PTPRM: variants seen among roughly 807,000 people sequenced by gnomAD.
The protein encoded by PTPRM is receptor-type tyrosine-protein phosphatase mu.
A neutral mutation model predicts 186.7 loss-of-function variants in PTPRM; 47 were observed. The observed-to-expected ratio is 0.25, with a 90% CI of 0.20 to 0.32. The LOEUF is 0.32. PTPRM is among the 10% of genes least tolerant of loss of function. The pLI is 1.00. For missense variants in PTPRM, 1,494 were observed against 1,865.0 expected, an observed-to-expected ratio of 0.80 and a Z score of 3.66; for synonymous variants, 668 against 674.9, an observed-to-expected ratio of 0.99 and a Z score of 0.16.
intron 7 of PTPRM, among the ~76,000 whole-genome samples, chr18:8,050,541 C>T (rs1029923864): frequency 6.6e-6 from 1 of 151,452 alleles, no homozygotes; most frequent in African/African-American, 2.4e-5. Context: ...ACATGCATAC[C>T]TCATAGTACA....
At chr18:7,880,806 A>G (rs1271279888) in intron 2 of PTPRM, among the ~76,000 whole-genome samples, 1 of 152,184 alleles carries the variant, frequency 6.6e-6, no homozygotes, top group Non-Finnish European at 1.5e-5. Flanking sequence ...ACCTGGTATT[A>G]TGATAATCAG....
intron 1 of PTPRM, among the ~76,000 whole-genome samples, chr18:7,708,098 A>C (rs1176048926): frequency 6.6e-6 from 1 of 152,184 alleles, no homozygotes; most frequent in Non-Finnish European, 1.5e-5. Flanking sequence ...GAAAGCATTC[A>C]GTAAGGTTTT....
intron 7 of PTPRM, among the ~76,000 whole-genome samples, chr18:7,972,492 AAAG>A (rs1335675572): frequency 1.4e-5 from 2 of 141,210 alleles, no homozygotes; most frequent in African/African-American, 2.8e-5. Context: ...AAAAAAAAAA[AAAG>A]GAGAGAAACA....
chr18:8,121,442 A>T (rs1229876185), intron 13 of PTPRM, among the ~76,000 whole-genome samples: 5 of 151,750 alleles, frequency 3.3e-5, no homozygotes, highest in South Asian at 2.1e-4. Context: ...TTAATTTTCT[A>T]TTTTTTTTAA....
chr18:7,890,861 G>C (rs2049036188), intron 3 of PTPRM, among the ~76,000 whole-genome samples: 1 of 152,100 alleles, frequency 6.6e-6, no homozygotes, highest in Non-Finnish European at 1.5e-5. Flanking sequence ...AAAATTTAAT[G>C]ATACATTTAA....
chr18:7,715,374 T>A (rs1313005549), intron 1 of PTPRM, among the ~76,000 whole-genome samples: 2 of 152,198 alleles, frequency 1.3e-5, no homozygotes, highest in African/African-American at 4.8e-5. Flanking sequence ...ATAAGAGCTA[T>A]TTATAACAAA....
chr18:8,032,711 AAT>A (rs1297978840), intron 7 of PTPRM, among the ~76,000 whole-genome samples: 1 of 152,164 alleles, frequency 6.6e-6, no homozygotes, highest in Non-Finnish European at 1.5e-5. Flanking sequence ...CATATATTTA[AAT>A]ATGTTATAGC....
intron 14 of PTPRM, among the ~76,000 whole-genome samples, chr18:8,225,727 A>G (rs2094205706): frequency 6.6e-6 from 1 of 152,222 alleles, no homozygotes; most frequent in South Asian, 2.1e-4. Flanking sequence ...GAAATATAAG[A>G]GAATATCTTT....
At chr18:8,126,047 T>C (rs2092354692) in intron 13 of PTPRM, among the ~76,000 whole-genome samples, 1 of 113,638 alleles carries the variant, frequency 8.8e-6, no homozygotes, top group African/African-American at 3.2e-5. Flanking sequence ...AGTAGACCTT[T>C]CCATTGCAAA....
intron 13 of PTPRM, among the ~76,000 whole-genome samples, chr18:8,122,876 T>C (rs2092224687): frequency 6.6e-6 from 1 of 152,204 alleles, no homozygotes; most frequent in African/African-American, 2.4e-5. Flanking sequence ...GCATTCCTTA[T>C]AGATCCTTGT....
intron 9 of PTPRM, among the ~76,000 whole-genome samples, chr18:8,083,490 C>G (rs1371800558): frequency 6.6e-6 from 1 of 152,176 alleles, no homozygotes; most frequent in East Asian, 1.9e-4. Context: ...GTGGGCCCTT[C>G]CCCAGCCACT....
intron 9 of PTPRM, among the ~76,000 whole-genome samples, chr18:8,084,623 A>G (rs2090334568): frequency 6.6e-6 from 1 of 152,232 alleles, no homozygotes; most frequent in Non-Finnish European, 1.5e-5. Context: ...ATCACTTCGT[A>G]TAATAACAGT....
chr18:8,134,553 A>G (rs1243396022), intron 13 of PTPRM, among the ~76,000 whole-genome samples: 3 of 152,138 alleles, frequency 2.0e-5, no homozygotes, highest in Non-Finnish European at 4.4e-5. Flanking sequence ...CATGATGACT[A>G]GTATATCATG....
At chr18:7,884,930 A>AAAAAAAAAAG (rs2048701799) in intron 2 of PTPRM, among the ~76,000 whole-genome samples, 3 of 147,102 alleles carry the variant, frequency 2.0e-5, no homozygotes, top group African/African-American at 7.6e-5. Flanking sequence ...ATCTCAAAAA[A>AAAAAAAAAAG]AAAAAAAAAA....
At chr18:8,020,714 C>T (rs948244780) in intron 7 of PTPRM, among the ~76,000 whole-genome samples, 3 of 152,094 alleles carry the variant, frequency 2.0e-5, no homozygotes, top group Non-Finnish European at 4.4e-5. Context: ...CTATTCTTTC[C>T]GAGTTTTTTC....
chr18:8,284,789 G>C (rs1245237273), intron 19 of PTPRM, among the ~76,000 whole-genome samples: 1 of 152,024 alleles, frequency 6.6e-6, no homozygotes, highest in East Asian at 1.9e-4. Flanking sequence ...AATAACACAG[G>C]ATAACAAGGG....
chr18:7,697,227 G>C (rs1276138655), intron 1 of PTPRM, among the ~76,000 whole-genome samples: 1 of 152,148 alleles, frequency 6.6e-6, no homozygotes, highest in East Asian at 1.9e-4. Context: ...AGTTTAGCTC[G>C]ATGAAGCAGT....
At chr18:7,700,993 A>AG (rs1555654264) in intron 1 of PTPRM, among the ~76,000 whole-genome samples, 1 of 107,322 alleles carries the variant, frequency 9.3e-6, no homozygotes, top group East Asian at 4.3e-4. Flanking sequence ...AAAAAAAAAA[A>AG]AAAGAAAGAA....
intron 14 of PTPRM, among the ~76,000 whole-genome samples, chr18:8,187,510 G>A (rs113131115): frequency 7.9e-4 from 121 of 152,306 alleles, no homozygotes; most frequent in African/African-American, 2.7e-3. Context: ...CTTAAGTAGC[G>A]TAGAAACCTC....
Sources: gnomAD v4.1 joint callset for allele counts (sites outside exome capture counted in the v4.1 genomes callset) on GRCh38, gnomAD v4.1.1 for gene constraint, MANE v1.5 for transcripts, NCBI Gene and HGNC (gene_info 2026-07-23, HGNC 2026-07-21) for gene names.